The following PCDH15 variants were observed in gnomAD, a reference collection of about 807,000 sequenced individuals.
PCDH15 encodes protocadherin-15.
PCDH15 carries 129 observed loss-of-function variants against 178.5 expected under a neutral mutation model. The observed-to-expected ratio is 0.72, with a 90% CI of 0.63 to 0.84. The LOEUF is 0.84. PCDH15 is among the 40% of genes least tolerant of loss of function. The probability of loss-of-function intolerance (pLI) is 0.00; values close to 1 mark genes in which losing one functional copy is unlikely to be tolerated. For missense variants in PCDH15, 2,230 were observed against 2,099.9 expected, an observed-to-expected ratio of 1.06 and a Z score of -1.21; for synonymous variants, 800 against 732.0, an observed-to-expected ratio of 1.09 and a Z score of -1.50.
intron 2 of PCDH15, among the ~76,000 whole-genome samples, chr10:54,947,059 A>G (rs567635140): frequency 7.1e-4 from 108 of 152,038 alleles, no homozygotes; most frequent in African/African-American, 2.5e-3. Flanking sequence ...TTTAAAATGC[A>G]TTACAATAGG....
chr10:54,571,023 T>C (rs1337049533), intron 2 of PCDH15, among the ~76,000 whole-genome samples: 1 of 151,830 alleles, frequency 6.6e-6, no homozygotes, highest in East Asian at 1.9e-4. Context: ...TGACCTTGGA[T>C]TGTGTGTATC....
chr10:54,426,545 T>C (rs757907001), intron 3 of PCDH15, among the ~76,000 whole-genome samples: 47 of 152,198 alleles, frequency 3.1e-4, no homozygotes, highest in Non-Finnish European at 7.3e-5. Flanking sequence ...GGTACCAGTT[T>C]GTGGCCTGGG....
At chr10:54,161,965 C>A (rs1026645800) in intron 13 of PCDH15, among the ~76,000 whole-genome samples, 3 of 152,048 alleles carry the variant, frequency 2.0e-5, no homozygotes, top group African/African-American at 7.2e-5. Context: ...TTTTGTGAAG[C>A]AAGCAGCAGG....
intron 6 of PCDH15, among the ~76,000 whole-genome samples, chr10:54,330,352 C>T (rs916379312): frequency 1.3e-5 from 2 of 151,846 alleles, no homozygotes; most frequent in African/African-American, 4.8e-5. Flanking sequence ...CAAACCTGTA[C>T]AGCATGTCAC....
Position 55,300,257 on chromosome 10 carries a change from C to G in PCDH15, c.-156+19342G>C, listed in dbSNP as rs181680521. ...ATATTTTTCTTTAGAGGCCACTGCTCAAAATGAGGTGCTTGTTTTCAGTAC... is the reference window on the plus strand; with the variant it reads ...ATATTTTTCTTTAGAGGCCACTGCTGAAAATGAGGTGCTTGTTTTCAGTAC... On this transcript the variant is annotated intron_variant, in intron 1 of 5. Transcript: ENST00000458638. Among the ~76,000 whole-genome samples the G allele has an allele frequency of 2.4e-4, 37 of 152,204 alleles. No homozygotes were observed. In the East Asian group the frequency reaches 4.6e-3, roughly 19 times the overall value.
At chr10:54,414,233 A>T (rs61853564) in intron 3 of PCDH15, among the ~76,000 whole-genome samples, 8,468 of 152,250 alleles carry the variant, frequency 0.056, 317 homozygotes, top group Admixed American at 0.11. Context: ...CAAATGAAAG[A>T]CATATCATTA....
At chr10:54,188,136 A>G (rs945784811) in intron 11 of PCDH15, among the ~76,000 whole-genome samples, 15 of 151,904 alleles carry the variant, frequency 9.9e-5, no homozygotes, top group African/African-American at 2.7e-4. Flanking sequence ...GTAAGAAACA[A>G]TGTGCATTTG....
chr10:54,457,410 C>T lies in PCDH15; in HGVS notation c.157+70402G>A, dbSNP rs138737345. The stretch of plus-strand genomic sequence containing the variant: ...TCCTATTCTTTCTAGTACCTCTGGA[C>T]GCTTTATTCTTCTGCTAACGTCAGC... On this transcript the variant is annotated intron_variant, in intron 3 of 37. Transcript: ENST00000644397. Among the ~76,000 whole-genome samples, 11 of 152,204 alleles carry T rather than the reference C, an allele frequency of 7.2e-5. No homozygotes were observed. In the East Asian group the frequency reaches 1.4e-3, roughly 19 times the overall value.
chr10:54,557,160 A>G (rs866455134), intron 2 of PCDH15, among the ~76,000 whole-genome samples: 3 of 152,128 alleles, frequency 2.0e-5, no homozygotes, highest in African/African-American at 7.2e-5. Context: ...ATGTTTCTGC[A>G]TTATATTCTC....
chr10:55,463,059 C>T (rs1323108773), intron 2 of PCDH15, among the ~76,000 whole-genome samples: 1 of 134,742 alleles, frequency 7.4e-6, no homozygotes, highest in Non-Finnish European at 1.6e-5. Flanking sequence ...TGGGTGATTG[C>T]AATTGAAAAT....
At chr10:54,256,443 A>C (rs1444995865) in intron 8 of PCDH15, among the ~76,000 whole-genome samples, 1 of 152,206 alleles carries the variant, frequency 6.6e-6, no homozygotes, top group African/African-American at 2.4e-5. Flanking sequence ...GAAGTAGACT[A>C]ACATTTATTG....
chr10:55,093,076 T>C (rs1842356659), intron 2 of PCDH15, among the ~76,000 whole-genome samples: 1 of 152,044 alleles, frequency 6.6e-6, no homozygotes, highest in Non-Finnish European at 1.5e-5. Flanking sequence ...TGAATCAAAA[T>C]TTATTTTAGA....
intron 3 of PCDH15, among the ~76,000 whole-genome samples, chr10:54,450,242 C>T (rs2076391304): frequency 6.7e-6 from 1 of 149,808 alleles, no homozygotes; most frequent in Non-Finnish European, 1.5e-5. Context: ...GTGCTGCACC[C>T]ATTAACTCGT....
At chr10:55,111,545 T>C (rs1922169) in intron 2 of PCDH15, among the ~76,000 whole-genome samples, 6,261 of 150,544 alleles carry the variant, frequency 0.042, 305 homozygotes, top group East Asian at 0.14. Context: ...AAAAAAAAAA[T>C]TTAAAAAAGT....
At chr10:54,050,586 G>T (rs1460034779) in intron 18 of PCDH15, among the ~76,000 whole-genome samples, 1 of 151,852 alleles carries the variant, frequency 6.6e-6, no homozygotes, top group Non-Finnish European at 1.5e-5. Flanking sequence ...CTAGTTATTT[G>T]TTCTCTTTTG....
chr10:54,552,728 A>G (rs2086754269), intron 2 of PCDH15, among the ~76,000 whole-genome samples: 1 of 152,190 alleles, frequency 6.6e-6, no homozygotes, highest in Non-Finnish European at 1.5e-5. Flanking sequence ...ATTAACTATT[A>G]GTATCTACTA....
rs1023517852 is a variant in PCDH15 at position 53,806,434 on chromosome 10, T to G, written c.*145A>C. The G allele has an allele frequency of 7.1e-6, 5 of 702,400 alleles. No individual in the cohort carries two copies. In the Admixed American group the frequency reaches 1.2e-4, roughly 17 times the overall value. 43.5% of individuals were successfully genotyped at this position (702,400 alleles called of 1,614,324 possible). A position where few individuals can be genotyped will look rare whatever the true frequency, so the allele number is the denominator to read the frequency against. ...ATAACAATGTGAGTGCAAATCTGTC[T>G]CTTAAAATTTTAAAGCATATTGTTC... On this transcript the variant is annotated 3_prime_UTR_variant, in exon 38 of 38. Transcript: ENST00000644397.
intron 2 of PCDH15, among the ~76,000 whole-genome samples, chr10:55,102,488 C>A (rs953988313): frequency 3.3e-5 from 5 of 151,978 alleles, no homozygotes; most frequent in Non-Finnish European, 5.9e-5. Flanking sequence ...GATGGAATAA[C>A]AGCAATAACT....
intron 3 of PCDH15, among the ~76,000 whole-genome samples, chr10:54,501,317 G>C (rs1231642218): frequency 6.6e-6 from 1 of 151,512 alleles, no homozygotes; most frequent in East Asian, 1.9e-4. Flanking sequence ...AAAGGTATAG[G>C]AATAAAAAAG....
Sources: allele counts gnomAD v4.1 joint callset (sites outside exome capture counted in the v4.1 genomes callset), GRCh38; gene constraint gnomAD v4.1.1; transcripts MANE v1.5; gene names NCBI Gene and HGNC (gene_info 2026-07-23, HGNC 2026-07-21).